Variants in FERMT2 observed in about 807,000 individuals in gnomAD.
FERMT2 encodes the protein FERM domain containing kindlin 2, also known as fermitin family homolog 2.
Under a neutral mutation model 82.7 loss-of-function variants are expected in FERMT2, and 15 were observed. That is an observed-to-expected ratio of 0.18 (90% CI 0.12 to 0.28). The LOEUF (loss-of-function observed/expected upper bound fraction) is 0.28. FERMT2 is among the 10% of genes least tolerant of loss of function. The pLI is 1.00. For missense variants in FERMT2, 645 were observed against 809.4 expected, an observed-to-expected ratio of 0.80 and a Z score of 2.46; for synonymous variants, 274 against 271.5, an observed-to-expected ratio of 1.01 and a Z score of -0.09.
chr14:52,949,822 A>T (rs1402512414), intron 2 of FERMT2, among the ~76,000 whole-genome samples: 1 of 152,196 alleles, frequency 6.6e-6, no homozygotes, highest in African/African-American at 2.4e-5. Context: ...AACGGCTTAC[A>T]TCGAGCATGG....
At chr14:52,881,764 A>G (rs1453534927) in intron 4 of FERMT2, 2 of 1,329,282 alleles carry the variant, frequency 1.5e-6, no homozygotes, top group Admixed American at 2.2e-5. Flanking sequence ...ACAGACCAAC[A>G]CTTTTTGTCT....
chr14:52,913,153 T>C (rs904656852), intron 3 of FERMT2, among the ~76,000 whole-genome samples: 1 of 152,134 alleles, frequency 6.6e-6, no homozygotes, highest in Admixed American at 6.5e-5. Context: ...ACTTGAAATA[T>C]CACCCCGAGA....
At chr14:52,868,816 G>A (rs531929812) in intron 10 of FERMT2, among the ~76,000 whole-genome samples, 1 of 152,178 alleles carries the variant, frequency 6.6e-6, no homozygotes, top group South Asian at 2.1e-4. Flanking sequence ...CTCAAAAAAC[G>A]AAACAACAAA....
chr14:52,916,215 G>A lies in FERMT2; in HGVS notation c.391+2908C>T, dbSNP rs879295215. ...AAAAATTAGCCCGGTTTGGTGGCAG[G>A]TGCCTGTAATCCCAGCTACTTGGGA... is the stretch of plus-strand genomic sequence containing the variant. On this transcript the variant is annotated intron_variant, in intron 3 of 14. Coordinates refer to ENST00000341590, the MANE Select transcript of FERMT2 (RefSeq NM_006832.3). 4.0e-5 allele frequency among the ~76,000 whole-genome samples: 6 copies of A among 151,898 alleles called. No homozygotes were observed. The South Asian group carries it at 1.3e-3, about 32-fold the overall frequency.
intron 3 of FERMT2, among the ~76,000 whole-genome samples, chr14:52,908,184 T>C (rs1413149585): frequency 6.6e-6 from 1 of 152,072 alleles, no homozygotes; most frequent in African/African-American, 2.4e-5. Context: ...AACTGAAAAA[T>C]GTTTCAAGGA....
chr14:52,946,741 T>C, intron 2 of FERMT2, among the ~76,000 whole-genome samples: 1 of 152,086 alleles, frequency 6.6e-6, no homozygotes, highest in Middle Eastern at 3.2e-3. Flanking sequence ...GGTGTGATTT[T>C]GGCTCACTGC....
At chr14:52,867,090 T>A (rs904588404) in intron 10 of FERMT2, among the ~76,000 whole-genome samples, 4 of 151,578 alleles carry the variant, frequency 2.6e-5, no homozygotes, top group Non-Finnish European at 5.9e-5. Flanking sequence ...ATTAAAAAGC[T>A]TTGCCTCCTT....
At chr14:52,883,138 G>T (rs549140181) in intron 4 of FERMT2, among the ~76,000 whole-genome samples, 1 of 152,074 alleles carries the variant, frequency 6.6e-6, no homozygotes, top group Non-Finnish European at 1.5e-5. Context: ...AGGCAACAAA[G>T]CAAGACTCTA....
chr14:52,898,023 G>GA (rs1389846156), intron 3 of FERMT2, among the ~76,000 whole-genome samples: 2 of 113,204 alleles, frequency 1.8e-5, no homozygotes, highest in South Asian at 3.0e-4. Flanking sequence ...CACAAAGAAA[G>GA]AAACACTGTG....
chr14:52,938,959 T>C (rs1889970893), intron 2 of FERMT2, among the ~76,000 whole-genome samples: 1 of 152,170 alleles, frequency 6.6e-6, no homozygotes. Context: ...TGCTTCTAGA[T>C]GATCTTCATA....
chr14:52,898,784 G>C (rs1279890118), intron 3 of FERMT2, among the ~76,000 whole-genome samples: 1 of 152,056 alleles, frequency 6.6e-6, no homozygotes, highest in African/African-American at 2.4e-5. Context: ...ACTAGTATGT[G>C]GTGAAAAATC....
At chr14:52,925,665 G>C (rs1889226714) in intron 2 of FERMT2, among the ~76,000 whole-genome samples, 2 of 151,870 alleles carry the variant, frequency 1.3e-5, no homozygotes, top group East Asian at 1.9e-4. Context: ...TTGAGATGGA[G>C]TCTTGCTCTG....
intron 2 of FERMT2, among the ~76,000 whole-genome samples, chr14:52,919,715 C>G (rs1398859200): frequency 6.6e-6 from 1 of 152,110 alleles, no homozygotes; most frequent in African/African-American, 2.4e-5. Flanking sequence ...GGAACTCGTC[C>G]TATAGGAATG....
At chr14:52,942,106 C>T (rs1566763793) in intron 2 of FERMT2, among the ~76,000 whole-genome samples, 1 of 151,934 alleles carries the variant, frequency 6.6e-6, no homozygotes, top group Non-Finnish European at 1.5e-5. Context: ...ATTAAATATA[C>T]TAGATTATAT....
At chr14:52,904,478 T>C (rs1428947226) in intron 3 of FERMT2, among the ~76,000 whole-genome samples, 1 of 149,380 alleles carries the variant, frequency 6.7e-6, no homozygotes, top group Non-Finnish European at 1.5e-5. Context: ...GGTCGCGCCA[T>C]TGCACTCCAG....
At chr14:52,874,271 ATTCT>A (rs1885817813) in intron 8 of FERMT2, 45 bp from the exon 9 acceptor site, 3 of 1,265,472 alleles carry the variant, frequency 2.4e-6, no homozygotes, top group African/African-American at 3.1e-5. Context: ...AATATTTGAA[ATTCT>A]TTCTAATGTT....
chr14:52,885,924 TAA>T (rs1366469947), intron 4 of FERMT2, among the ~76,000 whole-genome samples: 1 of 147,792 alleles, frequency 6.8e-6, no homozygotes, highest in African/African-American at 2.5e-5. Flanking sequence ...CTAACAGATA[TAA>T]GACCACATAA....
intron 2 of FERMT2, among the ~76,000 whole-genome samples, chr14:52,939,367 C>T (rs527478583): frequency 6.8e-5 from 8 of 116,874 alleles, no homozygotes; most frequent in East Asian, 6.4e-4. Flanking sequence ...AGTGAGACTA[C>T]GGTCTCAAAA....
chr14:52,914,730 G>A (rs1412268332), intron 3 of FERMT2, among the ~76,000 whole-genome samples: 1 of 152,036 alleles, frequency 6.6e-6, no homozygotes, highest in Admixed American at 6.6e-5. Flanking sequence ...GACCAGCCTG[G>A]CCCACATGGC....
Sources: gnomAD v4.1 joint callset for allele counts (sites outside exome capture counted in the v4.1 genomes callset) on GRCh38, gnomAD v4.1.1 for gene constraint, MANE v1.5 for transcripts, NCBI Gene and HGNC (gene_info 2026-07-23, HGNC 2026-07-21) for gene names.